The following KIZ variants were observed in gnomAD, a reference collection of about 807,000 sequenced individuals.
The protein encoded by KIZ is centrosomal protein kizuna.
Under a neutral mutation model 79.6 loss-of-function variants are expected in KIZ, and 68 were observed. The observed-to-expected ratio is 0.85, with a 90% CI of 0.70 to 1.05. The LOEUF is 1.05. KIZ is among the 50% of genes least tolerant of loss of function. The pLI, the probability that KIZ is intolerant of heterozygous loss-of-function variation, is 0.00. For synonymous variants in KIZ, 280 were observed against 281.8 expected (o/e 0.99, Z 0.06); for missense variants, 797 against 800.4 (o/e 1.00, Z 0.05).
At chr20:21,127,049 T>C (rs80245118) in intron 1 of KIZ, among the ~76,000 whole-genome samples, 2,480 of 152,342 alleles carry the variant, frequency 0.016, 52 homozygotes, top group African/African-American at 0.053. Flanking sequence ...GAGAGCTGTG[T>C]GCGTGACAGT....
chr20:21,205,094 A>G (rs1227338220), intron 6 of KIZ, among the ~76,000 whole-genome samples: 2 of 152,188 alleles, frequency 1.3e-5, no homozygotes, highest in Admixed American at 1.3e-4. Flanking sequence ...CCTGGGCAAC[A>G]TGATGAAAGC....
chr20:21,128,052 A>G (rs1217936417), intron 1 of KIZ, among the ~76,000 whole-genome samples: 1 of 152,162 alleles, frequency 6.6e-6, no homozygotes, highest in Non-Finnish European at 1.5e-5. Context: ...TCACTCTGTC[A>G]CCCAGGCTGG....
intron 11 of KIZ, among the ~76,000 whole-genome samples, chr20:21,243,456 G>T (rs535628987): frequency 1.3e-5 from 2 of 152,294 alleles, no homozygotes; most frequent in South Asian, 2.1e-4. Flanking sequence ...GTGGTGGTGC[G>T]TGGGGTAGGG....
At chr20:21,137,422 G>A (rs779123538) in intron 3 of KIZ, among the ~76,000 whole-genome samples, 2 of 151,240 alleles carry the variant, frequency 1.3e-5, no homozygotes, top group Non-Finnish European at 2.9e-5. Flanking sequence ...CTGGTCACAG[G>A]AGGAGTTGGA....
intron 1 of KIZ, among the ~76,000 whole-genome samples, chr20:21,128,103 C>T (rs71336734): frequency 6.6e-6 from 1 of 152,310 alleles, no homozygotes; most frequent in South Asian, 2.1e-4. Context: ...ACCCCCACCT[C>T]CCAGGTTCAA....
intron 3 of KIZ, among the ~76,000 whole-genome samples, chr20:21,139,883 A>T (rs904642650): frequency 1.3e-5 from 2 of 152,170 alleles, no homozygotes; most frequent in African/African-American, 4.8e-5. Flanking sequence ...GAATGCCTTT[A>T]AAAAAATTCT....
At chr20:21,222,856 G>A (rs1017174631) in intron 9 of KIZ, among the ~76,000 whole-genome samples, 1 of 152,202 alleles carries the variant, frequency 6.6e-6, no homozygotes, top group African/African-American at 2.4e-5. Flanking sequence ...TAATATATCT[G>A]TAAAGAACCT....
chr20:21,142,113 A>G (rs770394916), intron 3 of KIZ, among the ~76,000 whole-genome samples: 5 of 151,810 alleles, frequency 3.3e-5, no homozygotes, highest in Admixed American at 6.6e-5. Context: ...TCACACATAC[A>G]CACATACACA....
intron 6 of KIZ, among the ~76,000 whole-genome samples, chr20:21,174,838 G>T (rs147001671): frequency 6.6e-6 from 1 of 152,348 alleles, no homozygotes; most frequent in African/African-American, 2.4e-5. Context: ...ATAAGTTATT[G>T]CATCTGAGAA....
In KIZ at chr20:21,145,618, A is replaced by T. The variant is rs2032806664; in HGVS notation, c.369A>T (p.Gly123=). 6.5e-7 allele frequency: 1 copy of T among 1,529,876 alleles called. No individual in the cohort carries two copies. Among genetic ancestry groups the T allele is most frequent in the Non-Finnish European group, 8.8e-7 (1 of 1,131,380 alleles). 94.8% of individuals were successfully genotyped at this position (1,529,876 alleles called of 1,614,324 possible). A position where few individuals can be genotyped will look rare whatever the true frequency, so the allele number is the denominator to read the frequency against. ...KKMLCSKDSL[G]LKEELTDEDR... is the part of the protein sequence containing the mutation. ...TGCTATGCTCAAAAGATAGCCTGGG[A>T]CTAAAAGAGGAACTGACAGATGAAG... The change falls in exon 4 of 13, where the codon GGA becomes GGT. Residue 123 remains glycine, a synonymous_variant. Transcript: ENST00000619189.
intron 9 of KIZ, among the ~76,000 whole-genome samples, chr20:21,217,973 G>T (rs1180195347): frequency 6.6e-6 from 1 of 152,134 alleles, no homozygotes; most frequent in Non-Finnish European, 1.5e-5. Flanking sequence ...GTCTGTTCTG[G>T]TGGACCTGCA....
intron 3 of KIZ, among the ~76,000 whole-genome samples, chr20:21,143,136 A>C (rs560787721): frequency 6.6e-6 from 1 of 152,280 alleles, no homozygotes; most frequent in Admixed American, 6.5e-5. Context: ...AGAAAACAAA[A>C]GACTGTGAAG....
intron 10 of KIZ, among the ~76,000 whole-genome samples, chr20:21,229,914 A>G (rs1175496938): frequency 1.3e-5 from 2 of 152,132 alleles, no homozygotes; most frequent in African/African-American, 4.8e-5. Context: ...AGTTCCTTCA[A>G]TTTAAGATTT....
chr20:21,237,160 G>C (rs912871780), intron 11 of KIZ, among the ~76,000 whole-genome samples: 5 of 151,874 alleles, frequency 3.3e-5, no homozygotes, highest in African/African-American at 1.2e-4. Flanking sequence ...AAATTAGCTA[G>C]ACATGGTGGC....
chr20:21,188,595 T>A (rs1361641832), intron 6 of KIZ, among the ~76,000 whole-genome samples: 2 of 151,996 alleles, frequency 1.3e-5, no homozygotes, highest in Non-Finnish European at 2.9e-5. Flanking sequence ...CTCCACATTT[T>A]TTTTTTTTAG....
At chr20:21,137,972 A>G (rs927092960) in intron 3 of KIZ, among the ~76,000 whole-genome samples, 1 of 152,046 alleles carries the variant, frequency 6.6e-6, no homozygotes, top group East Asian at 1.9e-4. Context: ...AGGTCTCACT[A>G]TGTTGCCCAG....
chr20:21,154,678 A>G (rs1252783868), intron 4 of KIZ, among the ~76,000 whole-genome samples: 2 of 152,252 alleles, frequency 1.3e-5, no homozygotes, highest in Non-Finnish European at 2.9e-5. Context: ...TCTGTCTCTC[A>G]AAAACTTTTG....
intron 6 of KIZ, chr20:21,198,441 T>G (rs1330413225): frequency 6.6e-6 from 1 of 152,432 alleles, no homozygotes; most frequent in Non-Finnish European, 1.5e-5. Context: ...AGTAGATGCA[T>G]GTCTGTGAAA....
intron 7 of KIZ, among the ~76,000 whole-genome samples, chr20:21,206,581 A>G (rs2035837825): frequency 1.3e-5 from 2 of 152,214 alleles, no homozygotes; most frequent in Admixed American, 6.5e-5. Flanking sequence ...GCATGGGCTC[A>G]AGTCTGGGGA....
Sources: allele counts gnomAD v4.1 joint callset (sites outside exome capture counted in the v4.1 genomes callset), GRCh38; gene constraint gnomAD v4.1.1; transcripts MANE v1.5; gene names NCBI Gene and HGNC (gene_info 2026-07-23, HGNC 2026-07-21).